Variants in CNTNAP2 observed in about 807,000 individuals in gnomAD.
CNTNAP2 encodes contactin-associated protein-like 2.
In CNTNAP2, 98 loss-of-function variants were observed where a neutral mutation model predicts 155.2. The ratio of observed to expected loss-of-function variants is 0.63; its 90% confidence interval spans 0.54 to 0.75. CNTNAP2 has a LOEUF of 0.75. Ranked by LOEUF, CNTNAP2 falls within the 30% of genes least tolerant of loss-of-function variation. CNTNAP2 has a pLI of 0.00. For synonymous variants in CNTNAP2, 651 were observed against 631.2 expected, an observed-to-expected ratio of 1.03 and a Z score of -0.47; for missense variants, 1,727 against 1,688.1, an observed-to-expected ratio of 1.02 and a Z score of -0.40.
At chr7:147,819,916 G>A (rs1325859293) in intron 13 of CNTNAP2, among the ~76,000 whole-genome samples, 1 of 152,034 alleles carries the variant, frequency 6.6e-6, no homozygotes. Context: ...TTCAGTTTGT[G>A]GCCATTTGGG....
rs563154316 is a variant in CNTNAP2, at chr7:146,601,005, A to G, written c.98-173266A>G. ...TTCATTAACATAATTATACTCTCTA[A>G]GAAACTAAAAATTACCAACAAAAGG... On this transcript the variant is annotated intron_variant, in intron 1 of 23. Coordinates refer to ENST00000361727, the MANE Select transcript of CNTNAP2 (RefSeq NM_014141.6). Among the ~76,000 whole-genome samples the G allele has an allele frequency of 2.6e-5, 4 of 152,282 alleles. No individual in the cohort carries two copies. In the South Asian group the frequency reaches 8.3e-4, roughly 32 times the overall value.
intron 10 of CNTNAP2, among the ~76,000 whole-genome samples, chr7:147,427,610 A>G (rs1047340081): frequency 1.1e-4 from 16 of 152,292 alleles, no homozygotes; most frequent in African/African-American, 3.8e-4. Flanking sequence ...GAACACAACA[A>G]GGAGTACATA....
intron 9 of CNTNAP2, among the ~76,000 whole-genome samples, chr7:147,310,320 C>A (rs1300051861): frequency 6.6e-6 from 1 of 152,084 alleles, no homozygotes; most frequent in Admixed American, 6.6e-5. Context: ...CTTTGACTTT[C>A]AAGAATTGGC....
chr7:148,296,545 C>CAAAAAAAAAAA (rs143609414), intron 21 of CNTNAP2, among the ~76,000 whole-genome samples: 3,347 of 76,170 alleles, frequency 0.044, 334 homozygotes, highest in East Asian at 0.062. Context: ...GACTCTGTCT[C>CAAAAAAAAAAA]AAAAAAAAAA....
intron 1 of CNTNAP2, among the ~76,000 whole-genome samples, chr7:146,133,558 A>C (rs1797750387): frequency 6.6e-6 from 1 of 152,162 alleles, no homozygotes; most frequent in Non-Finnish European, 1.5e-5. Flanking sequence ...TCTAATGTTT[A>C]AGTCTTGAAT....
chr7:146,676,091 ATAT>A (rs1441328502), intron 1 of CNTNAP2, among the ~76,000 whole-genome samples: 1 of 152,160 alleles, frequency 6.6e-6, no homozygotes, highest in Non-Finnish European at 1.5e-5. Context: ...GTGTTCTATA[ATAT>A]TCTAAAATAT....
chr7:147,877,110 G>A (rs1217218160), intron 13 of CNTNAP2, among the ~76,000 whole-genome samples: 1 of 152,038 alleles, frequency 6.6e-6, no homozygotes, highest in African/African-American at 2.4e-5. Flanking sequence ...GGCCACACAT[G>A]GTTTTGGTGT....
intron 14 of CNTNAP2, among the ~76,000 whole-genome samples, chr7:147,932,866 A>C (rs1397093280): frequency 3.3e-5 from 5 of 152,242 alleles, no homozygotes; most frequent in Non-Finnish European, 7.3e-5. Context: ...ACTTAAGAGT[A>C]AAAAAGCAAA....
chr7:148,170,087 C>T (rs1179658038), intron 17 of CNTNAP2, among the ~76,000 whole-genome samples: 3 of 152,120 alleles, frequency 2.0e-5, no homozygotes, highest in Admixed American at 2.0e-4. Context: ...AAAGGCTGTT[C>T]CCTAAAAGTG....
At chr7:147,933,509 A>ATAGC (rs1193278308) in intron 14 of CNTNAP2, among the ~76,000 whole-genome samples, 4 of 145,268 alleles carry the variant, frequency 2.8e-5, no homozygotes, top group African/African-American at 1.0e-4. Flanking sequence ...AGATAGATAG[A>ATAGC]TAGATAGATA....
At chr7:148,108,319 A>G (rs1167267005) in intron 15 of CNTNAP2, among the ~76,000 whole-genome samples, 1 of 152,056 alleles carries the variant, frequency 6.6e-6, no homozygotes, top group African/African-American at 2.4e-5. Context: ...GTGCTCAAGG[A>G]TGATAGCTCT....
chr7:146,212,231 T>G (rs1799045422), intron 1 of CNTNAP2, among the ~76,000 whole-genome samples: 1 of 152,152 alleles, frequency 6.6e-6, no homozygotes, highest in African/African-American at 2.4e-5. Context: ...GTGAGGTGGT[T>G]TGGCCTGAAG....
intron 4 of CNTNAP2, among the ~76,000 whole-genome samples, chr7:147,093,542 A>G (rs1800459670): frequency 6.6e-6 from 1 of 152,158 alleles, no homozygotes; most frequent in Admixed American, 6.5e-5. Flanking sequence ...TCCTAGGGGA[A>G]GTATAGGTTT....
chr7:147,998,301 C>CG (rs1416442184), intron 15 of CNTNAP2, among the ~76,000 whole-genome samples: 1 of 151,610 alleles, frequency 6.6e-6, no homozygotes, highest in East Asian at 1.9e-4. Flanking sequence ...TTAGTAGAGA[C>CG]GGGGTTTCAC....
intron 15 of CNTNAP2, among the ~76,000 whole-genome samples, chr7:148,018,319 C>A (rs1334128476): frequency 6.6e-6 from 1 of 152,110 alleles, no homozygotes; most frequent in Non-Finnish European, 1.5e-5. Context: ...CCCATAATTT[C>A]TTAATTTCAG....
intron 8 of CNTNAP2, among the ~76,000 whole-genome samples, chr7:147,270,512 G>A (rs1193845243): frequency 6.6e-6 from 1 of 152,168 alleles, no homozygotes; most frequent in Non-Finnish European, 1.5e-5. Flanking sequence ...TTACCTCTGT[G>A]GCTCCCATTA....
intron 1 of CNTNAP2, among the ~76,000 whole-genome samples, chr7:146,622,033 G>T (rs1799326631): frequency 6.6e-6 from 1 of 151,850 alleles, no homozygotes; most frequent in African/African-American, 2.4e-5. Context: ...TCTTTCAGTT[G>T]CCCTGTGTCC....
chr7:148,305,833 G>A (rs1260965734), intron 21 of CNTNAP2, among the ~76,000 whole-genome samples: 1 of 152,110 alleles, frequency 6.6e-6, no homozygotes, highest in African/African-American at 2.4e-5. Context: ...GATTTGCGGG[G>A]GGGACACAGA....
intron 8 of CNTNAP2, among the ~76,000 whole-genome samples, chr7:147,290,959 G>A (rs116061851): frequency 0.011 from 1,671 of 152,114 alleles, 29 homozygotes; most frequent in African/African-American, 0.037. Flanking sequence ...CATGACATGC[G>A]CAGATCTTAA....
Sources: allele counts gnomAD v4.1 joint callset (sites outside exome capture counted in the v4.1 genomes callset), GRCh38; gene constraint gnomAD v4.1.1; transcripts MANE v1.5; gene names NCBI Gene and HGNC (gene_info 2026-07-23, HGNC 2026-07-21).